TCF23: variants seen among roughly 807,000 people sequenced by gnomAD.
TCF23 encodes the protein transcription factor 23, also known as class A basic helix-loop-helix protein 24.
A neutral mutation model predicts 13.0 loss-of-function variants in TCF23; 7 were observed. That is an observed-to-expected ratio of 0.54 (90% CI 0.31 to 1.01). TCF23 has a LOEUF of 1.01. Ranked by LOEUF, TCF23 falls within the 50% of genes least tolerant of loss-of-function variation. The pLI is 0.06. For synonymous variants in TCF23, 122 were observed against 119.5 expected (o/e 1.02, Z -0.14); for missense variants, 257 against 289.8 (o/e 0.89, Z 0.82).
chr2:27,149,430 G>A, intron 1 of TCF23, 75 bp downstream of exon 1: 1 of 1,365,026 alleles, frequency 7.3e-7, no homozygotes, highest in Non-Finnish European at 1.0e-6. Context: ...CACCTCTGAT[G>A]GTACAGCCTC....
chr2:27,153,196 C>A lies in TCF23; in HGVS notation c.*329C>A, dbSNP rs547539046. 2.4e-5 allele frequency: 6 copies of A among 251,046 alleles called. No individual in the cohort carries two copies. Among genetic ancestry groups the A allele is most frequent in the Non-Finnish European group, 3.5e-5 (5 of 142,082 alleles). 15.6% of individuals were successfully genotyped at this position (251,046 alleles called of 1,614,324 possible). Reference sequence around the variant, plus strand: ...TTCTTCCCCTAAGGTTTCTACAAACCCTCTGCAGATAGCAAAAAGGCAGGT... The same window carrying A: ...TTCTTCCCCTAAGGTTTCTACAAACACTCTGCAGATAGCAAAAAGGCAGGT... On this transcript the variant is annotated 3_prime_UTR_variant, in exon 3 of 3. Transcript: ENST00000296096.
rs1672797791 is a variant in TCF23, at chr2:27,153,636, A to C, written c.*769A>C. On this transcript the variant is annotated 3_prime_UTR_variant, in exon 3 of 3. Coordinates refer to ENST00000296096, the MANE Select transcript of TCF23 (RefSeq NM_175769.3). ...TGATCCTCCCACCTCAGCCTCCTAA[A>C]GTGCTGGGATTACAGGCATGAGCCA... The C allele has an allele frequency of 6.5e-6, 1 of 152,786 alleles. No homozygotes were observed. The highest frequency in any genetic ancestry group is 2.1e-4 in the South Asian group (1 of 4,858). The allele number at this position is 152,786 out of a possible 1,614,324, so 9.5% of individuals were successfully genotyped here. A position where few individuals can be genotyped will look rare whatever the true frequency, so the allele number is the denominator to read the frequency against.
intron 2 of TCF23, among the ~76,000 whole-genome samples, chr2:27,152,400 T>C (rs2148430152): frequency 6.6e-6 from 1 of 152,368 alleles, no homozygotes; most frequent in Middle Eastern, 3.4e-3. Flanking sequence ...TGTTGCCAGC[T>C]CTGCCCAGGC....
rs1344673905 is a variant in TCF23, at chr2:27,149,310, C to T, written c.177C>T (p.Thr59=). 1 of 1,594,860 alleles carries T rather than the reference C, an allele frequency of 6.3e-7. No homozygotes were observed. Among genetic ancestry groups the T allele is most frequent in the Non-Finnish European group, 8.5e-7 (1 of 1,170,966 alleles). The part of the protein sequence containing the change: ...SWSNQRWSRA[T]PGPRGTRAGG... ...GCAACCAGAGATGGAGCAGAGCTAC[C>T]CCTGGCCCTCGAGGGACCAGGGCTG... The change falls in exon 1 of 3, where the codon ACC becomes ACT. Residue 59 remains threonine (T), a synonymous_variant. Transcript: ENST00000296096.
Position 27,150,095 on chromosome 2 carries a change from C to T in TCF23, c.223-28C>T, listed in dbSNP as rs777692690. The T allele has an allele frequency of 8.2e-6, 13 of 1,582,514 alleles. 1 individual carries two copies. In the South Asian group the frequency reaches 1.4e-4, roughly 18 times the overall value. The stretch of plus-strand genomic sequence containing the variant: ...TCAGGGCAGTTGGGAGTCCAGGTCA[C>T]ACACACTCACTGGGGCCCTCTGTGC... On this transcript the variant is annotated intron_variant, in intron 1 of 2. Transcript: ENST00000296096. This position sits in a 1 kb window ranked among gnomAD's most constrained non-coding sequence, Gnocchi z 4.1.
chr2:27,151,896 C>A (rs1274802732), intron 2 of TCF23, among the ~76,000 whole-genome samples: 2 of 151,650 alleles, frequency 1.3e-5, no homozygotes, highest in Non-Finnish European at 2.9e-5. Flanking sequence ...CACCTCTCAA[C>A]TTTATTTTTA....
rs1195722653 is a variant in TCF23, at chr2:27,156,142, C to T, written c.*3275C>T. 1 of 152,002 alleles carries T rather than the reference C, an allele frequency of 6.6e-6. No individual in the cohort carries two copies. Among genetic ancestry groups the T allele is most frequent in the Admixed American group, 6.6e-5 (1 of 15,258 alleles). The allele number at this position is 152,002 out of a possible 1,614,324, so 9.4% of individuals were successfully genotyped here. A position where few individuals can be genotyped will look rare whatever the true frequency, so the allele number is the denominator to read the frequency against. ...AGGAGTTCAAGACCAGCCTGACCAA[C>T]ATGGTGAAACCCTGTCTCTACTAAA... On this transcript the variant is annotated 3_prime_UTR_variant, in exon 3 of 3. Transcript: ENST00000296096.
rs1672783209 is a variant in TCF23 at position 27,152,932 on chromosome 2, C to G, written c.*65C>G. On this transcript the variant is annotated 3_prime_UTR_variant, in exon 3 of 3. Coordinates refer to ENST00000296096, the MANE Select transcript of TCF23 (RefSeq NM_175769.3). ...CTTATGGGCCTGGATTTTCTACCAG[C>G]CCCCAGATTCTCAGCCATCAGACTT... 6.4e-7 allele frequency: 1 copy of G among 1,552,172 alleles called. No homozygotes were observed. Among genetic ancestry groups the G allele is most frequent in the African/African-American group, 1.4e-5 (1 of 73,246 alleles).
At position 27,150,289 on chromosome 2, in the gene TCF23, G is replaced by T. The variant is rs1435533696; in HGVS notation, c.389G>T (p.Arg130Leu). 1.9e-6 allele frequency: 3 copies of T among 1,613,686 alleles called. No homozygotes were observed. The highest frequency in any genetic ancestry group is 2.2e-5 in the South Asian group (2 of 91,072). ...LAASYIAHLTRTLGHELPGPA... is the reference protein window; with the variant it reads ...LAASYIAHLTLTLGHELPGPA... ...GCCAGCTACATAGCCCACCTCACCCGCACACTCGGCCACGAGTTGCCTGGC... is the reference window on the plus strand; with the variant it reads ...GCCAGCTACATAGCCCACCTCACCCTCACACTCGGCCACGAGTTGCCTGGC... Residue 130 changes from arginine to leucine, a missense_variant, in exon 2 of 3, where the codon CGC becomes CTC. Arg to Leu is a moderately radical substitution (Grantham distance 102). Transcript: ENST00000296096. The surrounding 1 kb of genome is among the most constrained non-coding windows in gnomAD (Gnocchi z 4.1).
chr2:27,150,191 G>C lies in TCF23; in HGVS notation c.291G>C (p.Leu97Phe). Residue 97 changes from leucine to phenylalanine, a missense_variant, in exon 2 of 3, where the codon TTG (leucine) becomes TTC (phenylalanine). By Grantham distance (22) the Leu-to-Phe change is conservative. Coordinates refer to ENST00000296096, the MANE Select transcript of TCF23 (RefSeq NM_175769.3). This position sits in a 1 kb window ranked among gnomAD's most constrained non-coding sequence, Gnocchi z 4.1. ...TCAGGACGCTGCGCCAGGCCTTCTTGGCCTTGCAGGCTGCTCTGCCTGCCG... is the reference window on the plus strand; with the variant it reads ...TCAGGACGCTGCGCCAGGCCTTCTTCGCCTTGCAGGCTGCTCTGCCTGCCG... Reference protein sequence around the residue: ...SRVRTLRQAFLALQAALPAVP... With the variant: ...SRVRTLRQAFFALQAALPAVP... 6.2e-7 allele frequency: 1 copy of C among 1,612,606 alleles called. No individual in the cohort carries two copies. The highest frequency in any genetic ancestry group is 1.1e-5 in the South Asian group (1 of 91,046).
chr2:27,152,955 C>T lies in TCF23; in HGVS notation c.*88C>T, dbSNP rs905470649. The T allele has an allele frequency of 8.4e-6, 13 of 1,544,526 alleles. No homozygotes were observed. In the South Asian group the frequency reaches 1.7e-4, roughly 20 times the overall value. ...AGCCCCCAGATTCTCAGCCATCAGA[C>T]TTGACTCAGACTCAGCTCCCAAGTT... On this transcript the variant is annotated 3_prime_UTR_variant, in exon 3 of 3. Coordinates refer to ENST00000296096, the MANE Select transcript of TCF23 (RefSeq NM_175769.3).
In TCF23 at chr2:27,150,081, G is replaced by T; in HGVS notation, c.223-42G>T. 6.4e-7 allele frequency: 1 copy of T among 1,572,754 alleles called. No homozygotes were observed. Among genetic ancestry groups the T allele is most frequent in the South Asian group, 1.1e-5 (1 of 88,642 alleles). On this transcript the variant is annotated intron_variant, in intron 1 of 2. Coordinates refer to ENST00000296096, the MANE Select transcript of TCF23 (RefSeq NM_175769.3). This position sits in a 1 kb window ranked among gnomAD's most constrained non-coding sequence, Gnocchi z 4.1. ...AACGCTCTCAGAAGTCAGGGCAGTT[G>T]GGAGTCCAGGTCACACACACTCACT... is the stretch of plus-strand genomic sequence containing the variant.
chr2:27,150,395 C>A lies in TCF23; in HGVS notation c.465+30C>A, dbSNP rs369304539. 1.4e-5 allele frequency: 22 copies of A among 1,603,316 alleles called. No individual in the cohort carries two copies. Among genetic ancestry groups the A allele is most frequent in the South Asian group, 2.2e-5 (2 of 90,760 alleles). On this transcript the variant is annotated intron_variant, in intron 2 of 2. Transcript: ENST00000296096. The surrounding 1 kb of genome is among the most constrained non-coding windows in gnomAD (Gnocchi z 4.1). Reference sequence around the variant, plus strand: ...GTCACAAGCCCTGGGACTTGAGAGGCGGATCTTAATGCCCAGGGCCTTGGA... The same window carrying A: ...GTCACAAGCCCTGGGACTTGAGAGGAGGATCTTAATGCCCAGGGCCTTGGA...
chr2:27,153,132 T>A lies in TCF23; in HGVS notation c.*265T>A. The A allele has an allele frequency of 4.3e-6, 3 of 692,650 alleles. No individual in the cohort carries two copies. Among genetic ancestry groups the A allele is most frequent in the African/African-American group, 1.8e-5 (1 of 54,810 alleles). The allele number at this position is 692,650 out of a possible 1,614,324, so 42.9% of individuals were successfully genotyped here. On this transcript the variant is annotated 3_prime_UTR_variant, in exon 3 of 3. Transcript: ENST00000296096. Reference sequence around the variant, plus strand: ...CTGGGAAGTGGGAGAGAAAGAGGTATAATTGGGCTCAAAGTTGAGGTAGGG... The same window carrying A: ...CTGGGAAGTGGGAGAGAAAGAGGTAAAATTGGGCTCAAAGTTGAGGTAGGG...
Position 27,150,466 on chromosome 2 carries a change from C to G in TCF23, c.465+101C>G. ...GGGACATTGGACTTGGGCCCCCTGC[C>G]CTGTGCAGAACTGACGTCGGAGCCA... On this transcript the variant is annotated intron_variant, in intron 2 of 2. Transcript: ENST00000296096. This position sits in a 1 kb window ranked among gnomAD's most constrained non-coding sequence, Gnocchi z 4.1. 6.5e-7 allele frequency: 1 copy of G among 1,547,096 alleles called. No individual in the cohort carries two copies. Among genetic ancestry groups the G allele is most frequent in the Non-Finnish European group, 8.8e-7 (1 of 1,139,826 alleles).
intron 1 of TCF23, chr2:27,149,817 T>C (rs748010447): frequency 1.3e-5 from 9 of 667,240 alleles, no homozygotes; most frequent in Non-Finnish European, 2.0e-5. Flanking sequence ...AGGATTCAGA[T>C]TGGGCATGGG....
Position 27,149,328 on chromosome 2 carries a change from C to G in TCF23, c.195C>G (p.Thr65=), listed in dbSNP as rs1451042816. 3 of 1,588,570 alleles carry G rather than the reference C, an allele frequency of 1.9e-6. No homozygotes were observed. The highest frequency in any genetic ancestry group is 2.6e-6 in the Non-Finnish European group (3 of 1,167,636). Reference sequence around the variant, plus strand: ...GAGCTACCCCTGGCCCTCGAGGGACCAGGGCTGGGGGCCTGGCTCTTGGCA... The same window carrying G: ...GAGCTACCCCTGGCCCTCGAGGGACGAGGGCTGGGGGCCTGGCTCTTGGCA... ...WSRATPGPRG[T]RAGGLALGRS... The change falls in exon 1 of 3, where the codon ACC becomes ACG. Residue 65 remains threonine (T), a synonymous_variant. Transcript: ENST00000296096.
chr2:27,149,394 G>C (rs1235994945), intron 1 of TCF23, 39 bp downstream of exon 1: 1 of 1,532,790 alleles, frequency 6.5e-7, no homozygotes, highest in South Asian at 1.2e-5. Flanking sequence ...TCCAGGGGAG[G>C]AAGGGGTTGG....
chr2:27,153,531 TTTTCG>T lies in TCF23; in HGVS notation c.*669_*673del, dbSNP rs371959918. On this transcript the variant is annotated 3_prime_UTR_variant, in exon 3 of 3. Transcript: ENST00000296096. Reference sequence around the variant, plus strand: ...CACTCTTTTCTTTTCTTTTCTTTTCTTTTCGTTTCTTCTTCTTTTTATGTAGAGAT... The same window carrying T: ...CACTCTTTTCTTTTCTTTTCTTTTCTTTTCTTCTTCTTTTTATGTAGAGAT... 2,676 of 160,134 alleles carry T rather than the reference TTTTCG, an allele frequency of 0.017. 41 individuals carry two copies. The highest frequency in any genetic ancestry group is 0.034 in the African/African-American group (1,403 of 41,132). 9.9% of individuals were successfully genotyped at this position (160,134 alleles called of 1,614,324 possible).
Sources: gnomAD v4.1 joint callset for allele counts (sites outside exome capture counted in the v4.1 genomes callset) on GRCh38, gnomAD v4.1.1 for gene constraint, Gnocchi (gnomAD v3.1) non-coding constraint, MANE v1.5 for transcripts, NCBI Gene and HGNC (gene_info 2026-07-23, HGNC 2026-07-21) for gene names.